The following FAF1 variants were observed in gnomAD, a reference collection of about 807,000 sequenced individuals.
FAF1 encodes FAS-associated factor 1.
FAF1 carries 25 observed loss-of-function variants against 92.5 expected under a neutral mutation model. That is an observed-to-expected ratio of 0.27 (90% CI 0.20 to 0.38). The LOEUF (loss-of-function observed/expected upper bound fraction) is 0.38, where lower values mean the gene tolerates loss of function less well. Among genes scored for constraint, FAF1 ranks in the 10% least tolerant of loss-of-function variants. FAF1 has a pLI of 1.00. For synonymous variants in FAF1, 234 were observed against 273.2 expected (o/e 0.86, Z 1.42); for missense variants, 636 against 793.3 (o/e 0.80, Z 2.38).
intron 7 of FAF1, among the ~76,000 whole-genome samples, chr1:50,657,358 A>T (rs1432831185): frequency 6.6e-6 from 1 of 151,944 alleles, no homozygotes; most frequent in East Asian, 1.9e-4. Context: ...ATCCTACTGT[A>T]TCAAATGAAG....
intron 1 of FAF1, among the ~76,000 whole-genome samples, chr1:50,933,143 G>C (rs1042858027): frequency 3.3e-5 from 5 of 152,206 alleles, no homozygotes; most frequent in African/African-American, 1.2e-4. Flanking sequence ...ATTTTCCCCA[G>C]GTAACATTAG....
chr1:50,772,165 A>G (rs2124547875), intron 4 of FAF1, among the ~76,000 whole-genome samples: 1 of 152,312 alleles, frequency 6.6e-6, no homozygotes, highest in East Asian at 1.9e-4. Flanking sequence ...TAGTAAAAAC[A>G]ATATTCTGAA....
At chr1:50,662,498 C>T (rs1005400892) in intron 7 of FAF1, among the ~76,000 whole-genome samples, 10 of 151,964 alleles carry the variant, frequency 6.6e-5, no homozygotes, top group Admixed American at 5.9e-4. Context: ...AAGTTGGAGA[C>T]GGATTTTGGC....
chr1:50,623,104 C>T (rs1465500229), intron 8 of FAF1, among the ~76,000 whole-genome samples: 3 of 152,148 alleles, frequency 2.0e-5, no homozygotes, highest in African/African-American at 7.2e-5. Context: ...TGCTTCATTT[C>T]CTCAGATCCT....
At position 50,816,024 on chromosome 1, in the gene FAF1, C is replaced by T. The variant is rs560460301; in HGVS notation, c.115-14347G>A. On this transcript the variant is annotated intron_variant, in intron 2 of 18. Transcript: ENST00000396153. Reference sequence around the variant, plus strand: ...CCTAGGCGATAGAGTGAGATTCCGTCTTAAAAAAAAAAAAAAAAATTTTAA... The same window carrying T: ...CCTAGGCGATAGAGTGAGATTCCGTTTTAAAAAAAAAAAAAAAAATTTTAA... Among the ~76,000 whole-genome samples, 4 of 136,942 alleles carry T rather than the reference C, an allele frequency of 2.9e-5. No homozygotes were observed. In the South Asian group the frequency reaches 9.0e-4, roughly 31 times the overall value. 89.8% of individuals were successfully genotyped at this position (136,942 alleles called of 152,430 possible). A position where few individuals can be genotyped will look rare whatever the true frequency, so the allele number is the denominator to read the frequency against.
chr1:50,549,554 C>T (rs12076028), intron 13 of FAF1, among the ~76,000 whole-genome samples: 7,255 of 152,002 alleles, frequency 0.048, 564 homozygotes, highest in African/African-American at 0.16. Flanking sequence ...CTGAGGTGGG[C>T]GGACCACGAG....
intron 1 of FAF1, among the ~76,000 whole-genome samples, chr1:50,923,288 G>C (rs1644980086): frequency 6.6e-6 from 1 of 151,968 alleles, no homozygotes; most frequent in Admixed American, 6.6e-5. Flanking sequence ...GCCAGGCAAA[G>C]GGGTGCAAAA....
At chr1:50,686,074 C>G (rs749612144) in intron 7 of FAF1, among the ~76,000 whole-genome samples, 7 of 152,178 alleles carry the variant, frequency 4.6e-5, no homozygotes, top group Non-Finnish European at 8.8e-5. Flanking sequence ...AAGCACTATG[C>G]AAGGTTAGTC....
At chr1:50,584,503 T>C (rs1053364433) in intron 10 of FAF1, among the ~76,000 whole-genome samples, 182 bp downstream of exon 10, 3 of 152,170 alleles carry the variant, frequency 2.0e-5, no homozygotes, top group Admixed American at 6.5e-5. Flanking sequence ...CTGAGAATTT[T>C]TGAGTTTAAT....
At chr1:50,539,957 C>A (rs1348475957) in intron 13 of FAF1, among the ~76,000 whole-genome samples, 1 of 151,956 alleles carries the variant, frequency 6.6e-6, no homozygotes. Flanking sequence ...CTGGGGCTGA[C>A]AGCATAGGAT....
At chr1:50,519,287 C>A (rs569972621) in intron 15 of FAF1, among the ~76,000 whole-genome samples, 2 of 150,824 alleles carry the variant, frequency 1.3e-5, no homozygotes, top group South Asian at 4.2e-4. Context: ...CGAGACCACG[C>A]CACTGCACTC....
intron 2 of FAF1, among the ~76,000 whole-genome samples, chr1:50,847,278 C>A (rs1314377477): frequency 1.3e-5 from 2 of 151,088 alleles, no homozygotes; most frequent in African/African-American, 4.9e-5. Context: ...TAAAAAAAAA[C>A]AGACTGAGAT....
chr1:50,778,772 A>G (rs986137464), intron 4 of FAF1, among the ~76,000 whole-genome samples: 3 of 152,012 alleles, frequency 2.0e-5, no homozygotes, highest in Non-Finnish European at 4.4e-5. Flanking sequence ...GTAAACTAAG[A>G]GTGTGCCACT....
intron 7 of FAF1, among the ~76,000 whole-genome samples, chr1:50,657,102 C>A (rs1169951382): frequency 6.6e-6 from 1 of 150,702 alleles, no homozygotes; most frequent in East Asian, 2.0e-4. Context: ...GTCCCCACTA[C>A]ACAGGAAGCT....
intron 3 of FAF1, 142 bp downstream of exon 3, chr1:50,801,489 A>G: frequency 2.1e-6 from 1 of 479,122 alleles, no homozygotes; most frequent in Non-Finnish European, 3.7e-6. Flanking sequence ...TATAACACAT[A>G]GAAATATCTG....
chr1:50,781,917 A>G (rs1258723748), intron 4 of FAF1, among the ~76,000 whole-genome samples: 1 of 152,214 alleles, frequency 6.6e-6, no homozygotes, highest in African/African-American at 2.4e-5. Context: ...GACCACATAT[A>G]TTATACCAAG....
intron 4 of FAF1, among the ~76,000 whole-genome samples, chr1:50,766,056 C>T (rs1176771470): frequency 6.6e-6 from 1 of 152,024 alleles, no homozygotes; most frequent in Non-Finnish European, 1.5e-5. Flanking sequence ...CGCGCCATTG[C>T]ACTCCAGCCT....
chr1:50,812,980 CAT>C, intron 2 of FAF1, among the ~76,000 whole-genome samples: 1 of 152,256 alleles, frequency 6.6e-6, no homozygotes. Flanking sequence ...GAAAACCAAA[CAT>C]AGTGTGTTCT....
At chr1:50,479,293 A>G (rs1278396519) in intron 17 of FAF1, among the ~76,000 whole-genome samples, 3 of 151,532 alleles carry the variant, frequency 2.0e-5, no homozygotes, top group African/African-American at 2.4e-5. Context: ...CTGCCTAGTC[A>G]GTTCTGATGA....
Sources: gnomAD v4.1 joint callset for allele counts (sites outside exome capture counted in the v4.1 genomes callset) on GRCh38, gnomAD v4.1.1 for gene constraint, MANE v1.5 for transcripts, NCBI Gene and HGNC (gene_info 2026-07-23, HGNC 2026-07-21) for gene names.